SRGAP3: variants seen among roughly 807,000 people sequenced by gnomAD.
SRGAP3 encodes SLIT-ROBO Rho GTPase activating protein 3, also known as SLIT-ROBO Rho GTPase-activating protein 3.
Under a neutral mutation model 121.1 loss-of-function variants are expected in SRGAP3, and 39 were observed. The observed-to-expected ratio is 0.32, with a 90% confidence interval of 0.25 to 0.42. The LOEUF (loss-of-function observed/expected upper bound fraction) is 0.42, where lower values mean the gene tolerates loss of function less well. Ranked by LOEUF, SRGAP3 falls within the 10% of genes least tolerant of loss-of-function variation. The pLI, the probability that SRGAP3 is intolerant of heterozygous loss-of-function variation, is 1.00. For missense variants in SRGAP3, 1,213 were observed against 1,470.6 expected, an observed-to-expected ratio of 0.82 and a Z score of 2.86; for synonymous variants, 601 against 570.0, an observed-to-expected ratio of 1.05 and a Z score of -0.77.
At chr3:9,246,672 G>C (rs1032614420) in intron 1 of SRGAP3, among the ~76,000 whole-genome samples, 9 of 152,108 alleles carry the variant, frequency 5.9e-5, no homozygotes, top group Non-Finnish European at 8.8e-5. Flanking sequence ...AGAAAATGCA[G>C]GGCCCTAGAC....
At chr3:9,360,176 G>A (rs376912911) in intron 1 of SRGAP3, among the ~76,000 whole-genome samples, 1 of 152,096 alleles carries the variant, frequency 6.6e-6, no homozygotes, top group Admixed American at 6.5e-5. Flanking sequence ...CAATCTTCCC[G>A]CCTCTGCCTC....
intron 4 of SRGAP3, among the ~76,000 whole-genome samples, chr3:9,069,381 G>A (rs1018735617): frequency 6.6e-6 from 1 of 152,202 alleles, no homozygotes; most frequent in African/African-American, 2.4e-5. Flanking sequence ...GGAAGGGGCA[G>A]AGGTGGATGC....
intron 3 of SRGAP3, among the ~76,000 whole-genome samples, chr3:9,322,959 T>A (rs1170903940): frequency 6.6e-6 from 1 of 151,884 alleles, no homozygotes; most frequent in Non-Finnish European, 1.5e-5. Context: ...AATTTTGGTA[T>A]ATTCACACTA....
intron 3 of SRGAP3, among the ~76,000 whole-genome samples, chr3:9,080,675 G>A (rs560293702): frequency 8.5e-5 from 13 of 152,238 alleles, no homozygotes; most frequent in African/African-American, 1.9e-4. Flanking sequence ...GTGGGTGAGC[G>A]GGCATTACCA....
chr3:9,320,732 A>C (rs1955426131), intron 3 of SRGAP3, among the ~76,000 whole-genome samples: 1 of 151,876 alleles, frequency 6.6e-6, no homozygotes. Context: ...CTGTATCCTA[A>C]CAACACTCCT....
rs1194833050 is a variant in SRGAP3 at position 9,025,389 on chromosome 3, GTTCA to G, written c.1601-55_1601-52del. On this transcript the variant is annotated intron_variant, in intron 13 of 21. Transcript: ENST00000383836. ...AAATAGTAAATCCACGAGACCTTGA[GTTCA>G]TTAGACTACCGGGAATATCAGTGAC... 7 of 1,577,420 alleles carry G rather than the reference GTTCA, an allele frequency of 4.4e-6. No homozygotes were observed. In the Admixed American group the frequency reaches 8.3e-5, roughly 19 times the overall value.
chr3:9,100,523 C>A (rs1948175895), intron 3 of SRGAP3, among the ~76,000 whole-genome samples: 1 of 152,138 alleles, frequency 6.6e-6, no homozygotes, highest in Non-Finnish European at 1.5e-5. Context: ...TGGCAGTTAC[C>A]CTCCTGCTGC....
At chr3:9,234,975 C>G (rs1953355272) in intron 1 of SRGAP3, among the ~76,000 whole-genome samples, 1 of 152,126 alleles carries the variant, frequency 6.6e-6, no homozygotes, top group South Asian at 2.1e-4. Context: ...GGGGGAAATT[C>G]TAGCTGAAAG....
intron 21 of SRGAP3, among the ~76,000 whole-genome samples, chr3:8,986,478 C>A (rs915810737): frequency 1.3e-5 from 2 of 152,192 alleles, no homozygotes; most frequent in African/African-American, 4.8e-5. Flanking sequence ...TTAATCCTCA[C>A]ACTTCTAAGG....
intron 1 of SRGAP3, among the ~76,000 whole-genome samples, chr3:9,238,268 T>G (rs1953487106): frequency 6.6e-6 from 1 of 152,200 alleles, no homozygotes; most frequent in Non-Finnish European, 1.5e-5. Context: ...AGTTAATACT[T>G]TGAAATATTG....
intron 14 of SRGAP3, among the ~76,000 whole-genome samples, chr3:9,018,768 A>C (rs1206480162): frequency 6.6e-6 from 1 of 152,082 alleles, no homozygotes; most frequent in Non-Finnish European, 1.5e-5. Context: ...CTTTTTTTAA[A>C]TTTACAGTTT....
chr3:9,117,250 A>G (rs928887356), intron 2 of SRGAP3, among the ~76,000 whole-genome samples: 2 of 152,226 alleles, frequency 1.3e-5, no homozygotes, highest in African/African-American at 4.8e-5. Flanking sequence ...ATATGCTACA[A>G]AAGTGATTCT....
chr3:9,235,514 T>C (rs1390514717), intron 1 of SRGAP3: 2 of 148,514 alleles, frequency 1.3e-5, no homozygotes, highest in African/African-American at 5.0e-5. Flanking sequence ...TTTTTTTTTT[T>C]TTTTTTTGAG....
In SRGAP3 at chr3:9,053,102, A is replaced by T; in HGVS notation, c.1248T>A (p.Ser416=). ...TGTTGATCTTGCTCATGTAGGTCTCAGAGGCAGCCGACTTGACGGACTCTG... is the reference window on the plus strand; with the variant it reads ...TGTTGATCTTGCTCATGTAGGTCTCTGAGGCAGCCGACTTGACGGACTCTG... ...RSTESVKSAA[S]ETYMSKINIA... The change falls in exon 9 of 22, where the codon TCT becomes TCA. Residue 416 remains serine (S), a synonymous_variant. Coordinates refer to ENST00000383836, the MANE Select transcript of SRGAP3 (RefSeq NM_014850.4). 1 of 1,614,164 alleles carries T rather than the reference A, an allele frequency of 6.2e-7. No homozygotes were observed. The highest frequency in any genetic ancestry group is 1.1e-5 in the South Asian group (1 of 91,088).
intron 3 of SRGAP3, among the ~76,000 whole-genome samples, chr3:9,270,572 T>A (rs1177447132): frequency 6.6e-6 from 1 of 152,204 alleles, no homozygotes; most frequent in Non-Finnish European, 1.5e-5. Context: ...TTAACTCATT[T>A]AAAAAAACTC....
At chr3:9,331,833 G>A (rs1424358161) in intron 1 of SRGAP3, among the ~76,000 whole-genome samples, 1 of 152,098 alleles carries the variant, frequency 6.6e-6, no homozygotes, top group Non-Finnish European at 1.5e-5. Flanking sequence ...AACGAACCCA[G>A]CCTCCAGCCA....
chr3:9,013,152 A>G (rs758239114), intron 17 of SRGAP3, among the ~76,000 whole-genome samples, 156 bp downstream of exon 17: 1 of 152,192 alleles, frequency 6.6e-6, no homozygotes, highest in Admixed American at 6.5e-5. Flanking sequence ...TGATGTACCT[A>G]TCTCTCATGT....
At chr3:9,274,342 T>C (rs1168365158) in intron 3 of SRGAP3, among the ~76,000 whole-genome samples, 1 of 152,260 alleles carries the variant, frequency 6.6e-6, no homozygotes, top group Non-Finnish European at 1.5e-5. Context: ...AGCCAGCTGC[T>C]TCAGCACTGA....
intron 1 of SRGAP3, among the ~76,000 whole-genome samples, chr3:9,248,245 G>A (rs776936178): frequency 6.6e-5 from 10 of 152,244 alleles, no homozygotes; most frequent in Non-Finnish European, 1.2e-4. Flanking sequence ...CACACTGCGA[G>A]ATAATACATT....
Sources: gnomAD v4.1 joint callset for allele counts (sites outside exome capture counted in the v4.1 genomes callset) on GRCh38, gnomAD v4.1.1 for gene constraint, MANE v1.5 for transcripts, NCBI Gene and HGNC (gene_info 2026-07-23, HGNC 2026-07-21) for gene names.